The following IP6K3 variants were observed in gnomAD, a reference collection of about 807,000 sequenced individuals.
IP6K3 encodes the protein inositol hexakisphosphate kinase 3.
Under a neutral mutation model 28.8 loss-of-function variants are expected in IP6K3, and 20 were observed. That is an observed-to-expected ratio of 0.70 (90% CI 0.49 to 1.01). The LOEUF (loss-of-function observed/expected upper bound fraction) is 1.01. Ranked by LOEUF, IP6K3 falls within the 50% of genes least tolerant of loss-of-function variation. IP6K3 has a pLI of 0.00. For synonymous variants in IP6K3, 213 were observed against 221.3 expected, an observed-to-expected ratio of 0.96 and a Z score of 0.33; for missense variants, 480 against 537.1, an observed-to-expected ratio of 0.89 and a Z score of 1.05.
chr6:33,731,314 G>C (rs777026002), intron 2 of IP6K3, among the ~76,000 whole-genome samples: 1 of 152,154 alleles, frequency 6.6e-6, no homozygotes, highest in African/African-American at 2.4e-5. Context: ...ATGGTGACAG[G>C]TCTGCCAGAA....
the IP6K3 span, among the ~76,000 whole-genome samples, chr6:33,756,022 G>T: frequency 6.6e-6 from 1 of 152,122 alleles, no homozygotes; most frequent in Non-Finnish European, 1.5e-5. Context: ...GTGCCATCAT[G>T]ACTGGCTAAT....
Position 33,735,402 on chromosome 6 carries a change from G to T in IP6K3, c.75C>A (p.Val25=), listed in dbSNP as rs757366064. Residue 25 remains valine, a synonymous_variant, in exon 2 of 6, where the codon GTC becomes GTA. Coordinates refer to ENST00000293756, the MANE Select transcript of IP6K3 (RefSeq NM_054111.5). ...ACTTCATCACGCTCATGTGCCCCCC[G>T]ACCTGGTGCAGGAAGGGCTCCAGCT... ...GVQLEPFLHQ[V]GGHMSVMKYD... is the part of the protein sequence containing the mutation. 17 of 1,607,788 alleles carry T rather than the reference G, an allele frequency of 1.1e-5. No individual in the cohort carries two copies. Among genetic ancestry groups the T allele is most frequent in the Non-Finnish European group, 1.4e-5 (17 of 1,177,124 alleles).
At chr6:33,741,877 G>A (rs1201378168) in intron 1 of IP6K3, among the ~76,000 whole-genome samples, 1 of 151,938 alleles carries the variant, frequency 6.6e-6, no homozygotes, top group African/African-American at 2.4e-5. Flanking sequence ...CTTGAACCTG[G>A]GAGGCGGAGG....
intron 2 of IP6K3, among the ~76,000 whole-genome samples, chr6:33,728,547 A>G (rs973802712): frequency 3.3e-5 from 5 of 152,182 alleles, no homozygotes; most frequent in African/African-American, 1.2e-4. Context: ...CCTCTGCTTT[A>G]TCGCACTTCC....
rs548643811 is a variant in IP6K3, at chr6:33,727,025, G to A, written c.414-119C>T. The A allele has an allele frequency of 1.9e-5, 21 of 1,102,324 alleles. No individual in the cohort carries two copies. The South Asian group carries it at 3.7e-4, about 20-fold the overall frequency. The allele number at this position is 1,102,324 out of a possible 1,614,324, so 68.3% of individuals were successfully genotyped here. A position where few individuals can be genotyped will look rare whatever the true frequency, so the allele number is the denominator to read the frequency against. ...AAAGGGTGGTCCCAGCTGCTCTCCA[G>A]GGCAGCCCTCACCAGGCTGGGGCAC... On this transcript the variant is annotated intron_variant, in intron 3 of 5. Transcript: ENST00000293756.
intron 2 of IP6K3, among the ~76,000 whole-genome samples, chr6:33,729,913 C>T (rs1766258269): frequency 6.6e-6 from 1 of 152,106 alleles, no homozygotes; most frequent in Admixed American, 6.5e-5. Flanking sequence ...GGGGTTTCAT[C>T]ATCTTGGCTA....
intron 1 of IP6K3, among the ~76,000 whole-genome samples, chr6:33,741,739 G>A (rs889613697): frequency 6.6e-6 from 1 of 150,520 alleles, no homozygotes; most frequent in Admixed American, 6.6e-5. Flanking sequence ...ATCACCTGAG[G>A]TCAGGAGTTC....
intron 5 of IP6K3, among the ~76,000 whole-genome samples, chr6:33,724,392 G>C (rs1357525281): frequency 1.3e-5 from 2 of 152,190 alleles, no homozygotes; most frequent in Non-Finnish European, 2.9e-5. Flanking sequence ...TTTCAATTAA[G>C]AAAAGCTATA....
intron 2 of IP6K3, among the ~76,000 whole-genome samples, chr6:33,731,823 C>T (rs1017674840): frequency 3.3e-5 from 5 of 152,034 alleles, no homozygotes; most frequent in Non-Finnish European, 5.9e-5. Flanking sequence ...GGGGACAAGG[C>T]CTTGGAGGCC....
At chr6:33,728,332 G>T in intron 2 of IP6K3, 32 bp from the exon 3 acceptor site, 1 of 1,601,610 alleles carries the variant, frequency 6.2e-7, no homozygotes, top group Non-Finnish European at 8.6e-7. Flanking sequence ...GAGGGGAGGA[G>T]CCAGTTGAGA....
At chr6:33,755,971 T>C in the IP6K3 span, among the ~76,000 whole-genome samples, 137 of 152,320 alleles carry the variant, frequency 9.0e-4, no homozygotes, top group African/African-American at 3.1e-3. Context: ...TTCAAGCAGT[T>C]CTCCTGCCTC....
chr6:33,735,506 T>C lies in IP6K3; in HGVS notation c.-30A>G. On this transcript the variant is annotated 5_prime_UTR_variant, in exon 2 of 6. Coordinates refer to ENST00000293756, the MANE Select transcript of IP6K3 (RefSeq NM_054111.5). ...GCAGATGGTGGTGGTGGGGGGTCCCTGCACAGTCTGCTAGAGGAAGGTTTG... is the reference window on the plus strand; with the variant it reads ...GCAGATGGTGGTGGTGGGGGGTCCCCGCACAGTCTGCTAGAGGAAGGTTTG... The C allele has an allele frequency of 6.3e-7, 1 of 1,599,262 alleles. No homozygotes were observed. The highest frequency in any genetic ancestry group is 8.5e-7 in the Non-Finnish European group (1 of 1,177,504).
intron 4 of IP6K3, 110 bp from the exon 5 acceptor site, chr6:33,725,726 TTC>T (rs557824540): frequency 2.0e-5 from 18 of 908,020 alleles, no homozygotes; most frequent in Non-Finnish European, 3.0e-5. Context: ...CTGGGCACCA[TTC>T]TTCACTCCCA....
At chr6:33,747,925 A>T (rs1057120079), upstream of IP6K3, among the ~76,000 whole-genome samples, 15 of 151,860 alleles carry the variant, frequency 9.9e-5, no homozygotes, top group African/African-American at 3.6e-4. The surrounding 1 kb of genome is among the most constrained non-coding windows in gnomAD (Gnocchi z 5.2). Flanking sequence ...AGTTCCTGAG[A>T]TGTTCAGGAA....
At chr6:33,747,334 G>A (rs181503274), upstream of IP6K3, among the ~76,000 whole-genome samples, 9 of 152,216 alleles carry the variant, frequency 5.9e-5, no homozygotes, top group East Asian at 1.9e-4. The surrounding 1 kb of genome is among the most constrained non-coding windows in gnomAD (Gnocchi z 5.2). Context: ...AAAGTCAGGC[G>A]GCAAGACGTT....
upstream of IP6K3, among the ~76,000 whole-genome samples, chr6:33,751,482 CCG>C (rs1767020353): frequency 1.8e-5 from 2 of 109,208 alleles, no homozygotes; most frequent in African/African-American, 3.2e-5. This position sits in a 1 kb window ranked among gnomAD's most constrained non-coding sequence, Gnocchi z 4.3. Context: ...CCTCTGCAGG[CCG>C]TGTGTGTGTG....
At chr6:33,725,353 G>T in intron 5 of IP6K3, 88 bp downstream of exon 5, 1 of 1,350,676 alleles carries the variant, frequency 7.4e-7, no homozygotes, top group Admixed American at 2.2e-5. Flanking sequence ...CTCTGCAGGG[G>T]GGCAGTGGCA....
At chr6:33,733,242 C>G (rs184800755) in intron 2 of IP6K3, among the ~76,000 whole-genome samples, 1 of 152,236 alleles carries the variant, frequency 6.6e-6, no homozygotes, top group Admixed American at 6.5e-5. Context: ...TTAGCTCTGA[C>G]GCCTTGGCTC....
At chr6:33,753,003 G>T in the IP6K3 span, among the ~76,000 whole-genome samples, 4 of 152,266 alleles carry the variant, frequency 2.6e-5, no homozygotes, top group East Asian at 7.7e-4. Context: ...GATTGCAGTG[G>T]CACAGTCATG....
Sources: allele counts gnomAD v4.1 joint callset (sites outside exome capture counted in the v4.1 genomes callset), GRCh38; gene constraint gnomAD v4.1.1; non-coding constraint Gnocchi (gnomAD v3.1); transcripts MANE v1.5; gene names NCBI Gene and HGNC (gene_info 2026-07-23, HGNC 2026-07-21).